SLCO1B1: variants seen among roughly 807,000 people sequenced by gnomAD.
The protein encoded by SLCO1B1 is solute carrier organic anion transporter family member 1B1, also known as OATP-2.
In SLCO1B1, 81 loss-of-function variants were observed where a neutral mutation model predicts 70.1. The ratio of observed to expected loss-of-function variants is 1.16; its 90% CI spans 0.97 to 1.39. The LOEUF (loss-of-function observed/expected upper bound fraction) is 1.39. Ranked by LOEUF, SLCO1B1 falls within the 40% of genes most tolerant of loss-of-function variation. The probability of loss-of-function intolerance (pLI) is 0.00; values close to 1 mark genes in which losing one functional copy is unlikely to be tolerated. For missense variants in SLCO1B1, 895 were observed against 799.6 expected, an observed-to-expected ratio of 1.12 and a Z score of -1.44; for synonymous variants, 283 against 271.5, an observed-to-expected ratio of 1.04 and a Z score of -0.42.
chr12:21,142,084 A>G (rs1940317957), intron 2 of SLCO1B1, among the ~76,000 whole-genome samples: 2 of 151,584 alleles, frequency 1.3e-5, no homozygotes, highest in East Asian at 1.9e-4. Context: ...AAAAAAAACA[A>G]AAAACAGGAT....
chr12:21,207,848 G>A lies in SLCO1B1; in HGVS notation c.1497+1815G>A, dbSNP rs117378656. The stretch of plus-strand genomic sequence containing the variant: ...ACCAGTCAGCCCTTCTGACTGGTGT[G>A]AGATGGTATCTCCTTGGGATTTTGA... On this transcript the variant is annotated intron_variant, in intron 11 of 14. Coordinates refer to ENST00000256958, the MANE Select transcript of SLCO1B1 (RefSeq NM_006446.5). Among the ~76,000 whole-genome samples, 25 of 152,026 alleles carry A rather than the reference G, an allele frequency of 1.6e-4. No individual in the cohort carries two copies. The East Asian group carries it at 4.1e-3, about 25-fold the overall frequency.
At chr12:21,140,575 T>C (rs1940294584) in intron 1 of SLCO1B1, among the ~76,000 whole-genome samples, 1 of 151,982 alleles carries the variant, frequency 6.6e-6, no homozygotes, top group African/African-American at 2.4e-5. Context: ...AGAACATCTT[T>C]AATATGAAAT....
intron 2 of SLCO1B1, among the ~76,000 whole-genome samples, chr12:21,149,636 G>A (rs534722309): frequency 2.4e-4 from 36 of 152,220 alleles, no homozygotes; most frequent in African/African-American, 8.7e-4. Flanking sequence ...GGGAAGCCAC[G>A]AGGGACTGTG....
At chr12:21,237,116 CT>C (rs2121214012) in intron 14 of SLCO1B1, among the ~76,000 whole-genome samples, 1 of 152,062 alleles carries the variant, frequency 6.6e-6, no homozygotes, top group Admixed American at 6.5e-5. Context: ...GTCTTCTATT[CT>C]TTTTTCTTCT....
rs937714502 is a variant in SLCO1B1 at position 21,166,884 on chromosome 12, G to T, written c.85-5766G>T. Reference sequence around the variant, plus strand: ...TATTGATAATTGCCATAAGTTAGAAGCAACCAAGGTGTCCTTCAATATGAG... The same window carrying T: ...TATTGATAATTGCCATAAGTTAGAATCAACCAAGGTGTCCTTCAATATGAG... On this transcript the variant is annotated intron_variant, in intron 2 of 14. Transcript: ENST00000256958. 5.9e-5 allele frequency among the ~76,000 whole-genome samples: 9 copies of T among 152,272 alleles called. No homozygotes were observed. The East Asian group carries it at 1.5e-3, about 26-fold the overall frequency.
intron 12 of SLCO1B1, among the ~76,000 whole-genome samples, chr12:21,220,250 A>G (rs1210012548): frequency 6.6e-6 from 1 of 152,200 alleles, no homozygotes; most frequent in Non-Finnish European, 1.5e-5. Flanking sequence ...AATTTGTTCT[A>G]TCTCTATAAA....
intron 14 of SLCO1B1, 117 bp downstream of exon 14, chr12:21,224,956 A>T: frequency 1.7e-6 from 1 of 600,930 alleles, no homozygotes; most frequent in Non-Finnish European, 2.9e-6. Flanking sequence ...ATGAAAACTG[A>T]CTTTGCATGC....
At chr12:21,198,701 T>G (rs550732644) in intron 8 of SLCO1B1, among the ~76,000 whole-genome samples, 19 of 152,276 alleles carry the variant, frequency 1.2e-4, no homozygotes, top group African/African-American at 4.3e-4. Flanking sequence ...TAAAACTGAT[T>G]AGAATGAAAA....
At chr12:21,214,909 G>T (rs543829419) in intron 11 of SLCO1B1, among the ~76,000 whole-genome samples, 1 of 151,926 alleles carries the variant, frequency 6.6e-6, no homozygotes, top group Non-Finnish European at 1.5e-5. Context: ...GCAATGCCTC[G>T]CCCTGCTTCG....
Position 21,151,912 on chromosome 12 carries a change from G to T in SLCO1B1, c.84+10254G>T, listed in dbSNP as rs1057033842. Among the ~76,000 whole-genome samples the T allele has an allele frequency of 1.1e-4, 17 of 151,632 alleles. 1 individual carries two copies. The highest frequency in any genetic ancestry group is 5.9e-4 in the Admixed American group (9 of 15,218). ...AACTTGTTATTCTATGGACTTCCAG[G>T]ATCTGTGGTTTGTTGTCTGATACTA... On this transcript the variant is annotated intron_variant, in intron 2 of 14. Transcript: ENST00000256958.
chr12:21,169,425 T>G (rs1385992918), intron 2 of SLCO1B1, among the ~76,000 whole-genome samples: 1 of 152,126 alleles, frequency 6.6e-6, no homozygotes, highest in Non-Finnish European at 1.5e-5. Flanking sequence ...CTTTTCTTTT[T>G]GCTCCTGTGA....
At chr12:21,201,835 C>A (rs1288845001) in intron 9 of SLCO1B1, among the ~76,000 whole-genome samples, 1 of 152,102 alleles carries the variant, frequency 6.6e-6, no homozygotes, top group African/African-American at 2.4e-5. Context: ...AGATCCCCTA[C>A]CACCATACTG....
intron 2 of SLCO1B1, among the ~76,000 whole-genome samples, chr12:21,158,608 C>T (rs1297523676): frequency 6.6e-6 from 1 of 151,910 alleles, no homozygotes; most frequent in Non-Finnish European, 1.5e-5. Context: ...GTGAGAGAAT[C>T]GCTTGAACCC....
chr12:21,145,705 TTTGGA>T (rs1940373996), intron 2 of SLCO1B1, among the ~76,000 whole-genome samples: 1 of 151,976 alleles, frequency 6.6e-6, no homozygotes, highest in African/African-American at 2.4e-5. Flanking sequence ...CACTCCAATA[TTTGGA>T]ATTATGTGAC....
chr12:21,140,679 A>T (rs1158755256), intron 1 of SLCO1B1, among the ~76,000 whole-genome samples: 1 of 152,026 alleles, frequency 6.6e-6, no homozygotes, highest in African/African-American at 2.4e-5. Context: ...AATGAGAAAG[A>T]CTTATTAAGA....
chr12:21,211,650 T>C (rs538755476), intron 11 of SLCO1B1, among the ~76,000 whole-genome samples: 1 of 152,264 alleles, frequency 6.6e-6, no homozygotes, highest in South Asian at 2.1e-4. Context: ...CAGTTCCTCC[T>C]TGTACCTCTG....
At chr12:21,216,309 A>G (rs1266953029) in intron 11 of SLCO1B1, among the ~76,000 whole-genome samples, 4 of 152,174 alleles carry the variant, frequency 2.6e-5, no homozygotes, top group Non-Finnish European at 5.9e-5. Flanking sequence ...TAAGTTTGGC[A>G]GAACTGTAGA....
chr12:21,190,064 A>G (rs1941011710), intron 7 of SLCO1B1, among the ~76,000 whole-genome samples: 1 of 152,286 alleles, frequency 6.6e-6, no homozygotes, highest in African/African-American at 2.4e-5. Context: ...AGGCCTTTAG[A>G]AAGGTCAGAA....
intron 7 of SLCO1B1, among the ~76,000 whole-genome samples, chr12:21,196,222 A>G (rs1018355842): frequency 5.3e-5 from 8 of 152,174 alleles, no homozygotes; most frequent in Admixed American, 3.3e-4. Context: ...AGTCCTTCCT[A>G]TTAGGCTATC....
Sources: gnomAD v4.1 joint callset for allele counts (sites outside exome capture counted in the v4.1 genomes callset) on GRCh38, gnomAD v4.1.1 for gene constraint, MANE v1.5 for transcripts, NCBI Gene and HGNC (gene_info 2026-07-23, HGNC 2026-07-21) for gene names.